The following LRRK1 variants were observed in gnomAD, a reference collection of about 807,000 sequenced individuals.
The protein encoded by LRRK1 is leucine-rich repeat serine/threonine-protein kinase 1.
In LRRK1, 113 loss-of-function variants were observed where a neutral mutation model predicts 209.1. The observed-to-expected ratio is 0.54, with a 90% CI of 0.46 to 0.63. The LOEUF (loss-of-function observed/expected upper bound fraction) is 0.63, where lower values mean the gene tolerates loss of function less well. Ranked by LOEUF, LRRK1 falls within the 30% of genes least tolerant of loss-of-function variation. LRRK1 has a pLI of 0.00. For synonymous variants in LRRK1, 1,144 were observed against 1,099.7 expected (o/e 1.04, Z -0.80); for missense variants, 2,284 against 2,632.2 (o/e 0.87, Z 2.89).
At chr15:101,064,121 G>A (rs557426347) in intron 31 of LRRK1, among the ~76,000 whole-genome samples, 3 of 152,372 alleles carry the variant, frequency 2.0e-5, no homozygotes, top group Admixed American at 1.3e-4. Flanking sequence ...GGCACTCACC[G>A]CCCTGGCCGG....
chr15:100,980,752 G>A (rs911212876), intron 3 of LRRK1, among the ~76,000 whole-genome samples: 9 of 152,126 alleles, frequency 5.9e-5, no homozygotes, highest in African/African-American at 2.2e-4. Flanking sequence ...CTTAAAAACT[G>A]GCAATAGTTA....
At chr15:101,029,608 C>T (rs1226496802) in intron 20 of LRRK1, among the ~76,000 whole-genome samples, 1 of 152,184 alleles carries the variant, frequency 6.6e-6, no homozygotes, top group African/African-American at 2.4e-5. Context: ...TGGCTCACAC[C>T]TTTAATCCCA....
intron 12 of LRRK1, among the ~76,000 whole-genome samples, chr15:101,017,676 T>A (rs1374860365): frequency 6.6e-6 from 1 of 152,106 alleles, no homozygotes; most frequent in African/African-American, 2.4e-5. Flanking sequence ...GTGGAACAGT[T>A]TCATCCCTAA....
chr15:100,988,844 TG>T, intron 5 of LRRK1, 31 bp downstream of exon 5: 1 of 1,545,538 alleles, frequency 6.5e-7, no homozygotes, highest in Non-Finnish European at 8.8e-7. Flanking sequence ...GAGTCAACCC[TG>T]ACCGTGCAAA....
rs145666129 is a variant in LRRK1 at position 100,951,743 on chromosome 15, G to T, written c.98-22061G>T. On this transcript the variant is annotated intron_variant, in intron 2 of 33. Transcript: ENST00000388948. ...GAGACAGGTGGATCATCTCAGGTCA[G>T]GAGTTTGAGACCAGCCTGGCCAACA... Among the ~76,000 whole-genome samples, 1,274 of 152,212 alleles carry T rather than the reference G, an allele frequency of 8.4e-3. 18 individuals carry two copies. Among genetic ancestry groups the T allele is most frequent in the African/African-American group, 0.029 (1,218 of 41,520 alleles).
chr15:100,956,201 G>C (rs2042752911), intron 2 of LRRK1, among the ~76,000 whole-genome samples: 1 of 151,648 alleles, frequency 6.6e-6, no homozygotes, highest in Non-Finnish European at 1.5e-5. Context: ...TTCTATTTCT[G>C]TATGACTTAT....
chr15:101,052,424 C>G (rs1267074329), intron 24 of LRRK1, among the ~76,000 whole-genome samples: 2 of 102,812 alleles, frequency 1.9e-5, no homozygotes, highest in East Asian at 4.1e-4. Context: ...GTCTGTAGCC[C>G]TAGCGCTGAG....
intron 17 of LRRK1, among the ~76,000 whole-genome samples, chr15:101,026,463 T>C (rs567841331): frequency 2.9e-4 from 44 of 152,366 alleles, no homozygotes; most frequent in Non-Finnish European, 5.7e-4. Flanking sequence ...ATCTCATTTG[T>C]TGATCACTGA....
At chr15:100,961,973 C>T (rs557703314) in intron 2 of LRRK1, among the ~76,000 whole-genome samples, 9 of 152,288 alleles carry the variant, frequency 5.9e-5, no homozygotes, top group African/African-American at 1.7e-4. Context: ...ATCTGGGACA[C>T]CTGTGCCAAT....
chr15:101,004,366 GC>G (rs2141685815), intron 6 of LRRK1, among the ~76,000 whole-genome samples: 1 of 152,292 alleles, frequency 6.6e-6, no homozygotes, highest in East Asian at 1.9e-4. Flanking sequence ...GAAAGGTCTT[GC>G]GCAGACTTTG....
rs760353511 is a variant in LRRK1, at chr15:101,015,368, C to A, written c.1575C>A (p.Thr525=). Reference sequence around the variant, plus strand: ...AAACGAAGCGTATTGCCTTTTTCACCACCAGAGGTCGCCAGCGCTCCGGGA... The same window carrying A: ...AAACGAAGCGTATTGCCTTTTTCACAACCAGAGGTCGCCAGCGCTCCGGGA... ...GLKTKRIAFF[T]TRGRQRSGTE... Residue 525 remains threonine (T), a synonymous_variant, in exon 12 of 34, where the codon ACC becomes ACA. Transcript: ENST00000388948. 1.2e-6 allele frequency: 2 copies of A among 1,613,788 alleles called. No individual in the cohort carries two copies. Among genetic ancestry groups the A allele is most frequent in the African/African-American group, 2.7e-5 (2 of 75,016 alleles).
At chr15:101,021,605 A>C (rs1222617754) in intron 13 of LRRK1, 3 of 535,598 alleles carry the variant, frequency 5.6e-6, no homozygotes, top group Non-Finnish European at 9.9e-6. Flanking sequence ...GAGACAGGAA[A>C]GTTGGGGGAG....
intron 31 of LRRK1, chr15:101,065,088 C>A (rs1167561716): frequency 1.8e-6 from 1 of 543,316 alleles, no homozygotes; most frequent in Non-Finnish European, 3.3e-6. Context: ...TGACACGCAG[C>A]CTTACTTGGT....
chr15:101,054,587 G>A (rs1035726002), intron 26 of LRRK1, among the ~76,000 whole-genome samples: 1 of 152,162 alleles, frequency 6.6e-6, no homozygotes, highest in Non-Finnish European at 1.5e-5. Flanking sequence ...CGGGCAGGTC[G>A]CTTAAAGCCA....
At position 101,066,667 on chromosome 15, in the gene LRRK1, C is replaced by T; in HGVS notation, c.5796C>T (p.Gly1932=). The change falls in exon 33 of 34, where the codon GGC becomes GGT. Residue 1932 remains glycine, a synonymous_variant. Coordinates refer to ENST00000388948, the MANE Select transcript of LRRK1 (RefSeq NM_024652.6). Reference sequence around the variant, plus strand: ...GCGGTGGAGATGTTATCGTCATTGGCCTGGAGAAGGATTCTGGCGCCCAGC... The same window carrying T: ...GCGGTGGAGATGTTATCGTCATTGGTCTGGAGAAGGATTCTGGCGCCCAGC... The part of the protein sequence containing the change: ...PRRGGDVIVI[G]LEKDSGAQRG... The T allele has an allele frequency of 6.2e-7, 1 of 1,614,196 alleles. No individual in the cohort carries two copies. The highest frequency in any genetic ancestry group is 8.5e-7 in the Non-Finnish European group (1 of 1,180,014).
chr15:101,053,222 G>C lies in LRRK1; in HGVS notation c.3857-1G>C. Reference sequence around the variant, plus strand: ...GGCTGACACTGCGCTGTCCCTGGCAGACACCATGCTGAGGCACCTGCGGGC... The same window carrying C: ...GGCTGACACTGCGCTGTCCCTGGCACACACCATGCTGAGGCACCTGCGGGC... On this transcript the variant is annotated splice_acceptor_variant, in intron 25 of 33. Coordinates refer to ENST00000388948, the MANE Select transcript of LRRK1 (RefSeq NM_024652.6). LOFTEE classifies it high-confidence loss of function. 6.2e-7 allele frequency: 1 copy of C among 1,605,136 alleles called. No individual in the cohort carries two copies. Among genetic ancestry groups the C allele is most frequent in the Non-Finnish European group, 8.5e-7 (1 of 1,179,868 alleles).
At chr15:101,035,858 G>T (rs552281916) in intron 20 of LRRK1, among the ~76,000 whole-genome samples, 2 of 152,218 alleles carry the variant, frequency 1.3e-5, no homozygotes, top group East Asian at 3.9e-4. Context: ...GTGTTTTCAT[G>T]ATGTTAAATG....
rs544105984 is a variant in LRRK1 at position 101,066,367 on chromosome 15, G to A, written c.5768+162G>A. Among the ~76,000 whole-genome samples the A allele has an allele frequency of 5.3e-5, 8 of 152,332 alleles. No homozygotes were observed. The South Asian group carries it at 1.2e-3, about 24-fold the overall frequency. On this transcript the variant is annotated intron_variant, in intron 32 of 33. Transcript: ENST00000388948. ...TCCTCCATTGGGAATGGAAGCGATC[G>A]CTTTAGCAAATCTAAGAGTGGCCGC...
At chr15:100,972,335 TGAGAGAGAG>T (rs1286282180) in intron 2 of LRRK1, among the ~76,000 whole-genome samples, 17 of 106,208 alleles carry the variant, frequency 1.6e-4, no homozygotes, top group African/African-American at 5.3e-4. Flanking sequence ...TATATATATA[TGAGAGAGAG>T]AGAGAGAGAG....
Sources: allele counts gnomAD v4.1 joint callset (sites outside exome capture counted in the v4.1 genomes callset), GRCh38; gene constraint gnomAD v4.1.1; transcripts MANE v1.5; gene names NCBI Gene and HGNC (gene_info 2026-07-23, HGNC 2026-07-21).